Variants in HEATR5B observed in about 807,000 individuals in gnomAD.
HEATR5B encodes HEAT repeat containing 5B.
HEATR5B carries 156 observed loss-of-function variants against 224.1 expected under a neutral mutation model. That is an observed-to-expected ratio of 0.70 (90% CI 0.61 to 0.80). HEATR5B has a LOEUF of 0.80. HEATR5B is among the 30% of genes least tolerant of loss of function. The pLI is 0.00. For synonymous variants in HEATR5B, 1,027 were observed against 893.0 expected (o/e 1.15, Z -2.68); for missense variants, 2,323 against 2,535.5 (o/e 0.92, Z 1.80).
intron 21 of HEATR5B, among the ~76,000 whole-genome samples, chr2:37,034,340 G>A (rs1272755327): frequency 2.1e-5 from 3 of 144,586 alleles, no homozygotes; most frequent in Non-Finnish European, 4.6e-5. Flanking sequence ...CCGGCCGGGC[G>A]CGGTGGCTCA....
At position 36,981,524 on chromosome 2, in the gene HEATR5B, G is replaced by A. The variant is rs1379570325; in HGVS notation, c.6182C>T (p.Ala2061Val). The change falls in exon 36 of 36, where the codon GCA becomes GTA. Residue 2061 changes from alanine (A) to valine (V), a missense_variant. Coordinates refer to ENST00000233099, the MANE Select transcript of HEATR5B (RefSeq NM_019024.3). ...ACTTGTTTTTAGCTTAATTGTTGGT[G>A]CAGAATGTATGGCGGGGGCTGGTTG... ...ARQPAPAIHS[A>V]PTIKLKTSFF The A allele has an allele frequency of 4.3e-6, 7 of 1,613,032 alleles. 1 individual carries two copies. The highest frequency in any genetic ancestry group is 1.1e-5 in the South Asian group (1 of 90,838).
At chr2:37,077,148 A>G in intron 3 of HEATR5B, 129 bp from the exon 4 acceptor site, 1 of 692,258 alleles carries the variant, frequency 1.4e-6, no homozygotes, top group Non-Finnish European at 2.5e-6. Context: ...TCAACTATCA[A>G]AAACAATTTA....
intron 25 of HEATR5B, 115 bp from the exon 26 acceptor site, chr2:37,019,992 C>A: frequency 1.5e-6 from 1 of 654,548 alleles, no homozygotes; most frequent in South Asian, 1.8e-5. Flanking sequence ...CAACCTCTGC[C>A]TCGTAGGCTC....
At chr2:37,059,008 G>C (rs779928149) in intron 12 of HEATR5B, 21 bp from the exon 13 acceptor site, 5 of 1,476,194 alleles carry the variant, frequency 3.4e-6, no homozygotes, top group Non-Finnish European at 3.8e-6. Flanking sequence ...TGTTTAAAAG[G>C]ACAGATTTGG....
At chr2:37,083,048 A>AT (rs1267378948) in intron 2 of HEATR5B, among the ~76,000 whole-genome samples, 1 of 152,266 alleles carries the variant, frequency 6.6e-6, no homozygotes, top group African/African-American at 2.4e-5. Context: ...GACACCAGTC[A>AT]TATAGCCATG....
chr2:37,061,467 A>G (rs1012639535), intron 11 of HEATR5B, among the ~76,000 whole-genome samples: 2 of 152,208 alleles, frequency 1.3e-5, no homozygotes, highest in Non-Finnish European at 2.9e-5. Context: ...ACCCCATCAC[A>G]ATAATAGGTA....
intron 2 of HEATR5B, among the ~76,000 whole-genome samples, chr2:37,082,912 G>C (rs1001045148): frequency 6.8e-6 from 1 of 147,584 alleles, no homozygotes; most frequent in Non-Finnish European, 1.5e-5. Flanking sequence ...TATGCAGGAA[G>C]AAAAAACAGA....
At chr2:37,069,900 C>CTTT (rs11372186) in intron 7 of HEATR5B, among the ~76,000 whole-genome samples, 20 of 140,346 alleles carry the variant, frequency 1.4e-4, no homozygotes, top group South Asian at 2.2e-4. Flanking sequence ...TGAACAAAAT[C>CTTT]TTTTTTTTTT....
chr2:37,035,254 C>T (rs958791117), intron 21 of HEATR5B, among the ~76,000 whole-genome samples: 1 of 152,226 alleles, frequency 6.6e-6, no homozygotes, highest in Non-Finnish European at 1.5e-5. Context: ...TTCATTTTAA[C>T]ATCTGTGATA....
At chr2:37,000,040 C>T (rs1453651039) in intron 33 of HEATR5B, among the ~76,000 whole-genome samples, 4 of 151,272 alleles carry the variant, frequency 2.6e-5, no homozygotes, top group Admixed American at 2.0e-4. Flanking sequence ...AACAAAAACC[C>T]CAAAAAACAA....
At chr2:36,989,180 G>T (rs1020967531) in intron 34 of HEATR5B, among the ~76,000 whole-genome samples, 3 of 152,138 alleles carry the variant, frequency 2.0e-5, no homozygotes, top group Admixed American at 6.5e-5. Flanking sequence ...CTGCCTCCCG[G>T]GTTCAAGCGA....
chr2:37,010,387 C>A (rs1024466230), intron 27 of HEATR5B, among the ~76,000 whole-genome samples: 1 of 152,100 alleles, frequency 6.6e-6, no homozygotes. Flanking sequence ...AGCAGACTTA[C>A]AGCACAGAGA....
At chr2:36,990,515 A>C in intron 34 of HEATR5B, 133 bp downstream of exon 34, 1 of 712,096 alleles carries the variant, frequency 1.4e-6, no homozygotes, top group Non-Finnish European at 2.2e-6. Flanking sequence ...GATTTGTTTC[A>C]GTTTTTCCAT....
At chr2:37,004,825 T>G (rs1274507962) in intron 30 of HEATR5B, among the ~76,000 whole-genome samples, 1 of 152,184 alleles carries the variant, frequency 6.6e-6, no homozygotes, top group Non-Finnish European at 1.5e-5. Flanking sequence ...CTTCCAATCT[T>G]GGTCCTCTTT....
intron 24 of HEATR5B, among the ~76,000 whole-genome samples, chr2:37,025,444 T>C (rs974773026): frequency 2.5e-4 from 38 of 151,266 alleles, no homozygotes; most frequent in African/African-American, 9.0e-4. Flanking sequence ...CTGGAAACAG[T>C]GTTCTATAAA....
At position 37,064,775 on chromosome 2, in the gene HEATR5B, G is replaced by A. The variant is rs1311843523; in HGVS notation, c.1549C>T (p.Gln517Ter). The change falls in exon 10 of 36, where the codon CAG becomes TAG. Residue 517 changes from glutamine to a stop codon, truncating the protein, a stop_gained. Coordinates refer to ENST00000233099, the MANE Select transcript of HEATR5B (RefSeq NM_019024.3). LOFTEE classifies it high-confidence loss of function. ...AMAALLGGVHQCPLGIPHAKG... is the reference protein window; with the variant it reads ...AMAALLGGVH ...GCATGAGGAATGCCCAAAGGACACT[G>A]ATGTACTCCACCTAACAAAGCAGCC... 6.8e-6 allele frequency: 11 copies of A among 1,613,888 alleles called. No individual in the cohort carries two copies. Among genetic ancestry groups the A allele is most frequent in the African/African-American group, 1.3e-5 (1 of 74,874 alleles).
intron 35 of HEATR5B, among the ~76,000 whole-genome samples, chr2:36,983,037 C>T (rs1345681778): frequency 6.6e-6 from 1 of 152,138 alleles, no homozygotes; most frequent in Non-Finnish European, 1.5e-5. Flanking sequence ...CTACCTGGTA[C>T]ACAGCCATCC....
chr2:36,998,232 TA>T (rs1391807043), intron 33 of HEATR5B, among the ~76,000 whole-genome samples: 3 of 151,964 alleles, frequency 2.0e-5, no homozygotes, highest in African/African-American at 7.3e-5. Flanking sequence ...AACCTTGAAA[TA>T]AAAAGTCAAT....
chr2:37,038,442 T>C (rs1669655380), intron 20 of HEATR5B, among the ~76,000 whole-genome samples: 1 of 152,168 alleles, frequency 6.6e-6, no homozygotes, highest in African/African-American at 2.4e-5. Context: ...ACCCGGCCTA[T>C]ATGCCTATCT....
Sources: gnomAD v4.1 joint callset for allele counts (sites outside exome capture counted in the v4.1 genomes callset) on GRCh38, gnomAD v4.1.1 for gene constraint, MANE v1.5 for transcripts, NCBI Gene and HGNC (gene_info 2026-07-23, HGNC 2026-07-21) for gene names.